AMZ1: variants seen among roughly 807,000 people sequenced by gnomAD.
The protein encoded by AMZ1 is archaelysin family metallopeptidase 1.
A neutral mutation model predicts 29.9 loss-of-function variants in AMZ1; 39 were observed. The ratio of observed to expected loss-of-function variants is 1.30; its 90% CI spans 1.01 to 1.70. The LOEUF is 1.70. AMZ1 is among the 40% of genes most tolerant of loss of function. AMZ1 has a pLI of 0.00. For synonymous variants in AMZ1, 458 were observed against 304.0 expected (o/e 1.51, Z -5.27); for missense variants, 1,041 against 680.6 (o/e 1.53, Z -5.89).
chr7:2,695,945 G>C (rs1323150926), intron 1 of AMZ1, among the ~76,000 whole-genome samples: 22 of 150,960 alleles, frequency 1.5e-4, no homozygotes, highest in African/African-American at 4.9e-4. Flanking sequence ...GGAGGCGGAG[G>C]TTGCAGTGAG....
intron 6 of AMZ1, among the ~76,000 whole-genome samples, chr7:2,712,046 T>TA (rs923731285): frequency 9.7e-5 from 10 of 103,030 alleles, no homozygotes; most frequent in Middle Eastern, 4.7e-3. Flanking sequence ...GCCTCTGTCT[T>TA]AAAAAAATCG....
At chr7:2,724,080 T>A (rs1319853486), downstream of AMZ1, among the ~76,000 whole-genome samples, 1 of 150,990 alleles carries the variant, frequency 6.6e-6, no homozygotes, top group African/African-American at 2.4e-5. Context: ...TAATTTTTTG[T>A]ATTTTTAGTA....
intron 3 of AMZ1, among the ~76,000 whole-genome samples, chr7:2,705,506 A>G (rs1695539418): frequency 6.6e-6 from 1 of 152,206 alleles, no homozygotes; most frequent in South Asian, 2.1e-4. Context: ...CTACCCCTCT[A>G]CCGGCCACCA....
upstream of AMZ1, chr7:2,762,936 A>C: frequency 7.2e-7 from 1 of 1,381,574 alleles, no homozygotes; most frequent in Non-Finnish European, 9.4e-7. Flanking sequence ...CGCCCCAGAC[A>C]CTCCCGTGGG....
In AMZ1 at chr7:2,712,525, G is replaced by C. The variant is rs758780558; in HGVS notation, c.1144G>C (p.Glu382Gln). The C allele has an allele frequency of 3.1e-6, 5 of 1,608,464 alleles. No homozygotes were observed. Among genetic ancestry groups the C allele is most frequent in the Admixed American group, 3.4e-5 (2 of 59,642 alleles). The part of the protein sequence containing the change: ...AGSHTFASGP[E>Q]EGLSYLAASE... ...GAGTCACACCTTCGCCTCGGGGCCA[G>C]AGGAAGGGCTGAGCTACCTGGCAGC... Residue 382 changes from glutamate to glutamine, a missense_variant, in exon 7 of 7, where the codon GAG becomes CAG. Glu to Gln is a conservative substitution (Grantham distance 29). Transcript: ENST00000683327.
chr7:2,720,905 C>T (rs112713013), downstream of AMZ1, among the ~76,000 whole-genome samples: 1 of 152,174 alleles, frequency 6.6e-6, no homozygotes. Context: ...TTTTGAACTC[C>T]TGGGCTCAGG....
chr7:2,744,975 A>G lies in AMZ1; in HGVS notation n.551-19737A>G, dbSNP rs528262212. Reference sequence around the variant, plus strand: ...GAGAAGAGAAGCTTAGAGAAAAAAGAATAAAAAGAAACGAACAAGGCCTCC... The same window carrying G: ...GAGAAGAGAAGCTTAGAGAAAAAAGGATAAAAAGAAACGAACAAGGCCTCC... On this transcript the variant is annotated intron_variant and non_coding_transcript_variant, in intron 4 of 4. Transcript: ENST00000489665. Among the ~76,000 whole-genome samples the G allele has an allele frequency of 1.8e-3, 272 of 152,340 alleles. 3 individuals are homozygous for G. Among genetic ancestry groups the G allele is most frequent in the African/African-American group, 6.1e-3 (253 of 41,574 alleles).
downstream of AMZ1, among the ~76,000 whole-genome samples, chr7:2,721,315 G>A (rs1032163198): frequency 1.3e-5 from 2 of 152,234 alleles, no homozygotes; most frequent in Admixed American, 6.5e-5. Flanking sequence ...GAAGATGTGA[G>A]GAGGCCTCTG....
chr7:2,699,327 C>T (rs1583157136), intron 1 of AMZ1, among the ~76,000 whole-genome samples: 3 of 152,196 alleles, frequency 2.0e-5, no homozygotes, highest in Admixed American at 1.3e-4. Context: ...GGCTTTGTCA[C>T]GGTTCTGCCA....
At chr7:2,709,873 A>C (rs1583175476) in intron 6 of AMZ1, 57 bp downstream of exon 6, 1 of 1,589,250 alleles carries the variant, frequency 6.3e-7, no homozygotes, top group Admixed American at 1.8e-5. Context: ...GAGGCCCGCG[A>C]GCGCCGCCTG....
chr7:2,691,427 G>A (rs1165115157), intron 1 of AMZ1, among the ~76,000 whole-genome samples: 1 of 148,574 alleles, frequency 6.7e-6, no homozygotes, highest in Non-Finnish European at 1.5e-5. Context: ...GGCTTTGGAG[G>A]TCGGACAAGG....
intron 4 of AMZ1, among the ~76,000 whole-genome samples, chr7:2,745,132 A>C (rs558584397): frequency 4.7e-4 from 72 of 152,364 alleles, no homozygotes; most frequent in African/African-American, 1.7e-3. Context: ...CAATCTAGCA[A>C]GGCAGGCCAA....
In AMZ1 at chr7:2,710,773, G is replaced by C. The variant is rs191955485; in HGVS notation, c.948+957G>C. 1.1e-3 allele frequency among the ~76,000 whole-genome samples: 162 copies of C among 152,222 alleles called. 1 individual carries two copies. The highest frequency in any genetic ancestry group is 3.9e-3 in the African/African-American group (161 of 41,484). ...TAAGGAGAAGAGCCTGTGACTTGGG[G>C]GGAACCCAGGCGCAGCCATGGCTGA... On this transcript the variant is annotated intron_variant, in intron 6 of 6. Transcript: ENST00000683327.
intron 1 of AMZ1, among the ~76,000 whole-genome samples, chr7:2,682,494 C>T (rs75086355): frequency 0.03 from 4,517 of 152,270 alleles, 232 homozygotes; most frequent in African/African-American, 0.1. Context: ...GGCACGGGCA[C>T]GGAGCCCATG....
chr7:2,690,353 G>C (rs1209635313), intron 1 of AMZ1, among the ~76,000 whole-genome samples: 1 of 152,154 alleles, frequency 6.6e-6, no homozygotes, highest in African/African-American at 2.4e-5. Context: ...CTAGTAGCTG[G>C]GACCACAGGC....
At chr7:2,705,238 C>A (rs59129880) in intron 3 of AMZ1, among the ~76,000 whole-genome samples, 1,671 of 152,302 alleles carry the variant, frequency 0.011, 30 homozygotes, top group African/African-American at 0.038. Context: ...CTGGGTCATT[C>A]TGATGGTCCC....
chr7:2,758,317 C>T (rs1422261276), intron 4 of AMZ1, among the ~76,000 whole-genome samples: 3 of 152,172 alleles, frequency 2.0e-5, no homozygotes, highest in South Asian at 2.1e-4. Flanking sequence ...TTATCTCATT[C>T]GCCATCCAAG....
At chr7:2,724,654 C>T (rs914814084), downstream of AMZ1, among the ~76,000 whole-genome samples, 4 of 152,130 alleles carry the variant, frequency 2.6e-5, no homozygotes, top group African/African-American at 9.7e-5. Context: ...TGTTACAACA[C>T]ACATCCGAAA....
At position 2,702,922 on chromosome 7, in the gene AMZ1, A is replaced by T. The variant is rs558114423; in HGVS notation, c.472+33A>T. Reference sequence around the variant, plus strand: ...AGGACGGCAGCCGCCGCTCAGGCCAAGGCAGGCCCCTTCTGGAAGGAAGAG... The same window carrying T: ...AGGACGGCAGCCGCCGCTCAGGCCATGGCAGGCCCCTTCTGGAAGGAAGAG... On this transcript the variant is annotated intron_variant, in intron 3 of 6. Transcript: ENST00000683327. 2.6e-6 allele frequency: 4 copies of T among 1,550,410 alleles called. No individual in the cohort carries two copies. In the South Asian group the frequency reaches 4.8e-5, roughly 19 times the overall value.
Sources: gnomAD v4.1 joint callset for allele counts (sites outside exome capture counted in the v4.1 genomes callset) on GRCh38, gnomAD v4.1.1 for gene constraint, MANE v1.5 for transcripts, NCBI Gene and HGNC (gene_info 2026-07-23, HGNC 2026-07-21) for gene names.